The following EXT2 variants were observed in gnomAD, a reference collection of about 807,000 sequenced individuals.
The protein encoded by EXT2 is exostosin glycosyltransferase 2, also known as exostosin-2.
In EXT2, 53 loss-of-function variants were observed where a neutral mutation model predicts 81.6. The ratio of observed to expected loss-of-function variants is 0.65; its 90% CI spans 0.52 to 0.82. The LOEUF (loss-of-function observed/expected upper bound fraction) is 0.82. Among genes scored for constraint, EXT2 ranks in the 40% least tolerant of loss-of-function variants. EXT2 has a pLI of 0.00. For synonymous variants in EXT2, 320 were observed against 340.0 expected (o/e 0.94, Z 0.65); for missense variants, 774 against 910.2 (o/e 0.85, Z 1.93).
chr11:44,157,028 G>T (rs1360328041), intron 7 of EXT2, among the ~76,000 whole-genome samples: 1 of 152,164 alleles, frequency 6.6e-6, no homozygotes, highest in African/African-American at 2.4e-5. Flanking sequence ...GGAAGAATTC[G>T]CTGGGTACTA....
chr11:44,193,856 G>A (rs979478224), intron 8 of EXT2, among the ~76,000 whole-genome samples: 19 of 152,108 alleles, frequency 1.2e-4, no homozygotes, highest in Admixed American at 3.3e-4. Context: ...GGGCAGTGGG[G>A]AAAAACAACA....
At chr11:44,137,445 G>C (rs999532781) in intron 7 of EXT2, among the ~76,000 whole-genome samples, 30 of 152,110 alleles carry the variant, frequency 2.0e-4, no homozygotes, top group African/African-American at 7.2e-4. Context: ...AGTCTGTATA[G>C]GTCACCCGTT....
chr11:44,208,261 T>A (rs1475911124), intron 10 of EXT2, among the ~76,000 whole-genome samples: 1 of 151,932 alleles, frequency 6.6e-6, no homozygotes, highest in African/African-American at 2.4e-5. Flanking sequence ...ATGCTACCCA[T>A]GTGTTTATTT....
At chr11:44,139,898 C>T (rs968019655) in intron 7 of EXT2, among the ~76,000 whole-genome samples, 3 of 152,006 alleles carry the variant, frequency 2.0e-5, no homozygotes, top group Non-Finnish European at 4.4e-5. Context: ...CTCAGGCAGG[C>T]GTGTGAAACT....
intron 4 of EXT2, among the ~76,000 whole-genome samples, chr11:44,114,662 T>C (rs902664586): frequency 3.3e-5 from 5 of 152,180 alleles, no homozygotes; most frequent in African/African-American, 7.2e-5. Flanking sequence ...TAGACCAGGT[T>C]ACTGTCATCT....
chr11:44,147,597 G>A (rs1270276809), intron 7 of EXT2, among the ~76,000 whole-genome samples: 1 of 152,084 alleles, frequency 6.6e-6, no homozygotes, highest in African/African-American at 2.4e-5. Context: ...GTCCTGCTCT[G>A]TCACCCAGGT....
rs140561784 is a variant in EXT2 at position 44,232,375 on chromosome 11, G to A, written c.1685G>A (p.Arg562Gln). Residue 562 changes from arginine (R) to glutamine (Q), a missense_variant, in exon 11 of 14, where the codon CGG (arginine) becomes CAG (glutamine). This residue lies in a region of EXT2 where 148 missense variants were observed against 239.7 expected (regional missense o/e 0.62). Transcript: ENST00000533608. Reference sequence around the variant, plus strand: ...TAGGTCTGGCGGGAATTTCCTGACCGGTTGGTGGGTTACCCGGGTCGTCTG... The same window carrying A: ...TAGGTCTGGCGGGAATTTCCTGACCAGTTGGTGGGTTACCCGGGTCGTCTG... ...GYEVWREFPD[R>Q]LVGYPGRLHL... 4.6e-5 allele frequency: 74 copies of A among 1,613,972 alleles called. No individual in the cohort carries two copies. The African/African-American group carries it at 7.3e-4, about 16-fold the overall frequency.
intron 7 of EXT2, among the ~76,000 whole-genome samples, chr11:44,150,885 A>G (rs770500319): frequency 4.6e-5 from 7 of 152,278 alleles, no homozygotes; most frequent in Middle Eastern, 6.8e-3. Context: ...TTTGCTTAAC[A>G]TTGTGTGCCA....
intron 13 of EXT2, among the ~76,000 whole-genome samples, chr11:44,237,112 C>A (rs1449194732): frequency 2.0e-5 from 3 of 152,050 alleles, no homozygotes; most frequent in Admixed American, 2.0e-4. Context: ...CTCTGACATC[C>A]CAGTAGTGCT....
rs764379119 is a variant in EXT2 at position 44,114,226 on chromosome 11, G to A, written c.668G>A (p.Arg223Gln). ...GGCGGCTTTTCTACGTGGACTTACCGGCAAGGCTACGATGTCAGCATTCCT... is the reference window on the plus strand; with the variant it reads ...GGCGGCTTTTCTACGTGGACTTACCAGCAAGGCTACGATGTCAGCATTCCT... ...AGGGFSTWTY[R>Q]QGYDVSIPVY... Residue 223 changes from arginine to glutamine, a missense_variant, in exon 4 of 14, where the codon CGG becomes CAG. Physicochemically the swap from Arg to Gln is conservative, Grantham distance 43. Around this residue, in one of 2 missense-constraint regions of EXT2, gnomAD observed 626 missense variants for 670.5 expected, o/e 0.93. Coordinates refer to ENST00000533608, the MANE Select transcript of EXT2 (RefSeq NM_207122.2). 17 of 1,614,044 alleles carry A rather than the reference G, an allele frequency of 1.1e-5. No individual in the cohort carries two copies. The highest frequency in any genetic ancestry group is 6.7e-5 in the East Asian group (3 of 44,878).
intron 1 of EXT2, among the ~76,000 whole-genome samples, chr11:44,106,474 T>C (rs1478994592): frequency 2.6e-5 from 4 of 152,236 alleles, no homozygotes; most frequent in Admixed American, 1.3e-4. Context: ...CTTTTGTACT[T>C]AATCGATACT....
chr11:44,119,169 T>TATATATACAC (rs1192115471), intron 4 of EXT2, among the ~76,000 whole-genome samples: 33 of 63,120 alleles, frequency 5.2e-4, no homozygotes, highest in East Asian at 2.9e-3. Flanking sequence ...TATATATATA[T>TATATATACAC]ACACATACAC....
chr11:44,236,895 A>G (rs1955972244), intron 13 of EXT2, among the ~76,000 whole-genome samples: 1 of 152,186 alleles, frequency 6.6e-6, no homozygotes, highest in Non-Finnish European at 1.5e-5. Flanking sequence ...TTTCGATTCA[A>G]GTCAGTTTCT....
intron 8 of EXT2, among the ~76,000 whole-genome samples, chr11:44,190,987 C>T (rs928415249): frequency 2.6e-5 from 4 of 152,172 alleles, no homozygotes; most frequent in African/African-American, 9.7e-5. Context: ...GGGGAAACCC[C>T]TTTGAACTGG....
intron 7 of EXT2, among the ~76,000 whole-genome samples, chr11:44,145,013 G>A (rs1954697308): frequency 1.3e-5 from 2 of 152,150 alleles, no homozygotes; most frequent in African/African-American, 4.8e-5. Context: ...TCCTAGTTGT[G>A]AGAGAGCCCG....
intron 8 of EXT2, among the ~76,000 whole-genome samples, chr11:44,182,414 A>C (rs1955248184): frequency 1.3e-5 from 2 of 151,826 alleles, no homozygotes; most frequent in African/African-American, 4.8e-5. Flanking sequence ...TGGAAGCTTT[A>C]GCTTTTTTTT....
chr11:44,124,430 A>G (rs1954365561), intron 4 of EXT2, among the ~76,000 whole-genome samples: 1 of 133,736 alleles, frequency 7.5e-6, no homozygotes. Flanking sequence ...CTTCCAAATT[A>G]TCAGTTTCTC....
At chr11:44,228,755 A>T (rs2135251955) in intron 10 of EXT2, among the ~76,000 whole-genome samples, 1 of 152,310 alleles carries the variant, frequency 6.6e-6, no homozygotes, top group African/African-American at 2.4e-5. Flanking sequence ...TCACCAAATT[A>T]AGTCCCTGAG....
At chr11:44,218,637 T>C (rs571111142) in intron 10 of EXT2, among the ~76,000 whole-genome samples, 1 of 152,228 alleles carries the variant, frequency 6.6e-6, no homozygotes, top group East Asian at 1.9e-4. Context: ...GCTTACTCCA[T>C]AGCTCAGATT....
Sources: gnomAD v4.1 joint callset for allele counts (sites outside exome capture counted in the v4.1 genomes callset) on GRCh38, gnomAD v4.1.1 for gene constraint, gnomAD v4.1.1 regional missense constraint, MANE v1.5 for transcripts, NCBI Gene and HGNC (gene_info 2026-07-23, HGNC 2026-07-21) for gene names.